MITF: variants seen among roughly 807,000 people sequenced by gnomAD.
MITF encodes melanocyte inducing transcription factor, also known as microphthalmia-associated transcription factor.
Under a neutral mutation model 60.5 loss-of-function variants are expected in MITF, and 17 were observed. The ratio of observed to expected loss-of-function variants is 0.28; its 90% CI spans 0.19 to 0.42. MITF has a LOEUF of 0.42. MITF is among the 10% of genes least tolerant of loss of function. MITF has a pLI of 1.00. For missense variants in MITF, 622 were observed against 683.5 expected (o/e 0.91, Z 1.00); for synonymous variants, 260 against 248.5 (o/e 1.05, Z -0.43).
intron 1 of MITF, chr3:69,866,193 C>T (rs1575841964): frequency 6.3e-7 from 1 of 1,576,406 alleles, no homozygotes; most frequent in Non-Finnish European, 8.6e-7. Context: ...TTTCCAGGGC[C>T]TTATCAGGAG....
chr3:69,763,018 G>A (rs1179054628), intron 1 of MITF, among the ~76,000 whole-genome samples: 1 of 152,092 alleles, frequency 6.6e-6, no homozygotes, highest in Non-Finnish European at 1.5e-5. Flanking sequence ...TTCTTTTCTG[G>A]AGAGGTTACC....
At chr3:69,753,680 AAAG>A (rs539340351) in intron 1 of MITF, among the ~76,000 whole-genome samples, 117 of 152,328 alleles carry the variant, frequency 7.7e-4, no homozygotes, top group Non-Finnish European at 5.9e-5. Context: ...ACATAGAGTC[AAAG>A]GAGATTATTT....
At chr3:69,946,732 A>G (rs777160132) in intron 5 of MITF, among the ~76,000 whole-genome samples, 2 of 152,196 alleles carry the variant, frequency 1.3e-5, no homozygotes, top group Non-Finnish European at 2.9e-5. Flanking sequence ...AGCTTTTTCA[A>G]CTGGAAGTAA....
At chr3:69,828,600 GATT>G (rs896778932) in intron 1 of MITF, among the ~76,000 whole-genome samples, 3 of 151,618 alleles carry the variant, frequency 2.0e-5, no homozygotes, top group Non-Finnish European at 4.4e-5. Flanking sequence ...TAAATATACA[GATT>G]ATATTATATA....
At chr3:69,739,971 A>C (rs777050924) in intron 1 of MITF, among the ~76,000 whole-genome samples, 10 of 152,106 alleles carry the variant, frequency 6.6e-5, no homozygotes, top group Non-Finnish European at 1.3e-4. Context: ...TCGGCCGAGG[A>C]TGCCAGCTGC....
chr3:69,911,738 A>G (rs937156761), intron 2 of MITF, among the ~76,000 whole-genome samples: 5 of 152,264 alleles, frequency 3.3e-5, no homozygotes. Flanking sequence ...AGTATTTTAC[A>G]ATCAGCTTGG....
chr3:69,933,337 T>G (rs1370128443), intron 2 of MITF, among the ~76,000 whole-genome samples: 7 of 152,180 alleles, frequency 4.6e-5, no homozygotes, highest in Non-Finnish European at 1.0e-4. Flanking sequence ...TAAATTCTGT[T>G]GTCAGCCAAG....
chr3:69,955,461 G>T (rs183371637), intron 7 of MITF, among the ~76,000 whole-genome samples: 130 of 152,242 alleles, frequency 8.5e-4, no homozygotes, highest in African/African-American at 2.6e-3. Context: ...GGTAGCACTA[G>T]GCTAGGGCAT....
chr3:69,771,809 T>C (rs956470477), intron 1 of MITF, among the ~76,000 whole-genome samples: 18 of 152,194 alleles, frequency 1.2e-4, no homozygotes, highest in African/African-American at 4.3e-4. Flanking sequence ...GGGGTTCATG[T>C]TGATTAACAG....
At chr3:69,912,735 T>C (rs1367132792) in intron 2 of MITF, among the ~76,000 whole-genome samples, 1 of 152,172 alleles carries the variant, frequency 6.6e-6, no homozygotes, top group Non-Finnish European at 1.5e-5. Context: ...GGATCCTCTG[T>C]TGGTTAGAAT....
chr3:69,838,966 C>T (rs1258636760), intron 1 of MITF, among the ~76,000 whole-genome samples: 1 of 152,124 alleles, frequency 6.6e-6, no homozygotes, highest in South Asian at 2.1e-4. Flanking sequence ...GAGGAGGTTT[C>T]CAATAAATTA....
chr3:69,903,983 T>C (rs1332467501), intron 2 of MITF, among the ~76,000 whole-genome samples: 1 of 152,156 alleles, frequency 6.6e-6, no homozygotes, highest in Non-Finnish European at 1.5e-5. Flanking sequence ...GAGATAATGC[T>C]CATGCATCAA....
rs144606735 is a variant in MITF at position 69,951,576 on chromosome 3, G to GT, written c.881-227dup. Among the ~76,000 whole-genome samples, 2,482 of 150,394 alleles carry GT rather than the reference G, an allele frequency of 0.017. 59 individuals are homozygous for GT. Among genetic ancestry groups the GT allele is most frequent in the African/African-American group, 0.057 (2,322 of 40,982 alleles). ...TGTGCTATATATAATTTTTACCAGGGTTTTTTTTTACCATTTTGTGGAAGC... is the reference window on the plus strand; with the variant it reads ...TGTGCTATATATAATTTTTACCAGGGTTTTTTTTTTACCATTTTGTGGAAGC... On this transcript the variant is annotated intron_variant, in intron 6 of 9. Transcript: ENST00000352241.
chr3:69,746,524 ATGTT>A lies in MITF; in HGVS notation c.104+6827_104+6830del, dbSNP rs761710551. 4.3e-3 allele frequency among the ~76,000 whole-genome samples: 655 copies of A among 152,042 alleles called. 4 individuals carry two copies. The highest frequency in any genetic ancestry group is 0.014 in the African/African-American group (570 of 41,462). ...AGTTTCATTTTTTTTGTGTGTGTGT[ATGTT>A]TGTGTGTGTGAGGTATAAAATGTAC... On this transcript the variant is annotated intron_variant, in intron 1 of 9. Coordinates refer to ENST00000352241, the MANE Select transcript of MITF (RefSeq NM_001354604.2).
rs530557084 is a variant in MITF, at chr3:69,785,359, C to G, written c.104+45658C>G. ...ATGTGCCAGGCACTCTGCTCAGTAC[C>G]TTCTGTGCACTATCTCATTTAAATC... On this transcript the variant is annotated intron_variant, in intron 1 of 9. Coordinates refer to ENST00000352241, the MANE Select transcript of MITF (RefSeq NM_001354604.2). Among the ~76,000 whole-genome samples, 13 of 152,282 alleles carry G rather than the reference C, an allele frequency of 8.5e-5. No individual in the cohort carries two copies. In the East Asian group the frequency reaches 2.5e-3, roughly 30 times the overall value.
rs549069121 is a variant in MITF, at chr3:69,935,935, A to G, written c.355-1887A>G. ...AGAATAATATGTAAAAATTCTCAGC[A>G]AAAATGCTCATGCTTTTTTCATTTG... On this transcript the variant is annotated intron_variant, in intron 2 of 9. Transcript: ENST00000352241. Among the ~76,000 whole-genome samples, 4 of 152,330 alleles carry G rather than the reference A, an allele frequency of 2.6e-5. No individual in the cohort carries two copies. In the East Asian group the frequency reaches 7.7e-4, roughly 29 times the overall value.
chr3:69,908,477 T>C (rs2065149679), intron 2 of MITF, among the ~76,000 whole-genome samples: 1 of 152,230 alleles, frequency 6.6e-6, no homozygotes, highest in Non-Finnish European at 1.5e-5. Context: ...GTTTTTTAAA[T>C]TTGGCAATTC....
At chr3:69,896,734 C>T (rs902694827) in intron 2 of MITF, among the ~76,000 whole-genome samples, 1 of 152,162 alleles carries the variant, frequency 6.6e-6, no homozygotes, top group African/African-American at 2.4e-5. Flanking sequence ...GAACCAACCT[C>T]AGAGCTGTAA....
At chr3:69,882,733 G>C (rs949488372) in intron 2 of MITF, among the ~76,000 whole-genome samples, 1 of 152,110 alleles carries the variant, frequency 6.6e-6, no homozygotes, top group Non-Finnish European at 1.5e-5. Context: ...TATAGCTAAA[G>C]CATCACGGTA....
Sources: allele counts gnomAD v4.1 joint callset (sites outside exome capture counted in the v4.1 genomes callset), GRCh38; gene constraint gnomAD v4.1.1; transcripts MANE v1.5; gene names NCBI Gene and HGNC (gene_info 2026-07-23, HGNC 2026-07-21).